The following LRRC4C variants were observed in gnomAD, a reference collection of about 807,000 sequenced individuals.
LRRC4C encodes leucine rich repeat containing 4C, also known as leucine-rich repeat-containing protein 4C.
LRRC4C carries 5 observed loss-of-function variants against 33.6 expected under a neutral mutation model. That is an observed-to-expected ratio of 0.15 (90% CI 0.08 to 0.31). The LOEUF (loss-of-function observed/expected upper bound fraction) is 0.31, where lower values mean the gene tolerates loss of function less well. LRRC4C is among the 10% of genes least tolerant of loss of function. The probability of loss-of-function intolerance (pLI) is 1.00; values close to 1 mark genes in which losing one functional copy is unlikely to be tolerated. For missense variants in LRRC4C, 560 were observed against 796.7 expected (o/e 0.70, Z 3.58); for synonymous variants, 329 against 302.0 (o/e 1.09, Z -0.93).
intron 1 of LRRC4C, among the ~76,000 whole-genome samples, chr11:41,027,859 G>T (rs1312076073): frequency 6.6e-6 from 1 of 151,636 alleles, no homozygotes; most frequent in Non-Finnish European, 1.5e-5. Context: ...GAATTATTTA[G>T]TTTTTCTTCA....
intron 1 of LRRC4C, among the ~76,000 whole-genome samples, chr11:41,084,670 G>T (rs182729717): frequency 8.5e-5 from 13 of 152,216 alleles, no homozygotes; most frequent in African/African-American, 2.9e-4. Context: ...CCAACATGGT[G>T]AAACCCCATC....
At chr11:40,846,020 GTT>G (rs140994322) in intron 2 of LRRC4C, among the ~76,000 whole-genome samples, 96,668 of 142,112 alleles carry the variant, frequency 0.68, 33,469 homozygotes, top group Admixed American at 0.76. Context: ...ACTTTCTGAT[GTT>G]TTTTTTTTTT....
chr11:40,248,583 G>T (rs1186364511), intron 4 of LRRC4C, among the ~76,000 whole-genome samples: 1 of 152,070 alleles, frequency 6.6e-6, no homozygotes, highest in South Asian at 2.1e-4. Context: ...TGACCCCGTA[G>T]TCCCAGCAAC....
chr11:40,760,360 C>T (rs551947251), intron 2 of LRRC4C, among the ~76,000 whole-genome samples: 72 of 149,634 alleles, frequency 4.8e-4, no homozygotes, highest in African/African-American at 1.7e-3. Context: ...GCAGTTGCAA[C>T]GGAGACCATA....
intron 3 of LRRC4C, among the ~76,000 whole-genome samples, chr11:40,358,317 G>A (rs1209490431): frequency 6.6e-6 from 1 of 152,156 alleles, no homozygotes; most frequent in Non-Finnish European, 1.5e-5. Context: ...CTGTCACTCT[G>A]TTGCCCAGGC....
chr11:41,278,763 A>T (rs1949561797), intron 1 of LRRC4C, among the ~76,000 whole-genome samples: 1 of 152,208 alleles, frequency 6.6e-6, no homozygotes, highest in African/African-American at 2.4e-5. Flanking sequence ...GAGTTGTAGC[A>T]GATAGCAATT....
intron 3 of LRRC4C, among the ~76,000 whole-genome samples, chr11:40,598,963 G>A (rs1294296076): frequency 6.6e-6 from 1 of 152,176 alleles, no homozygotes; most frequent in Non-Finnish European, 1.5e-5. Context: ...TGGCACATGA[G>A]TGGGCCGCTG....
chr11:40,674,273 C>G (rs778367586), intron 2 of LRRC4C, among the ~76,000 whole-genome samples: 20 of 152,156 alleles, frequency 1.3e-4, no homozygotes, highest in Non-Finnish European at 2.6e-4. Flanking sequence ...ATGGAAAGAG[C>G]ACTGGGGTTG....
intron 4 of LRRC4C, among the ~76,000 whole-genome samples, chr11:40,246,121 C>G (rs892759170): frequency 6.6e-6 from 1 of 151,708 alleles, no homozygotes; most frequent in Non-Finnish European, 1.5e-5. Flanking sequence ...CTACAGGTGT[C>G]CGCCACCACA....
chr11:40,852,373 C>T (rs181677379), intron 2 of LRRC4C, among the ~76,000 whole-genome samples: 15 of 152,070 alleles, frequency 9.9e-5, no homozygotes, highest in Admixed American at 2.0e-4. Context: ...TTCTGAGCCA[C>T]CAATTGTCTG....
chr11:40,136,126 G>A lies in LRRC4C; in HGVS notation c.-43+4675C>T, dbSNP rs374255409. 6.6e-5 allele frequency among the ~76,000 whole-genome samples: 10 copies of A among 152,018 alleles called. No individual in the cohort carries two copies. The East Asian group carries it at 7.8e-4, about 12-fold the overall frequency. On this transcript the variant is annotated intron_variant, in intron 6 of 6. Coordinates refer to ENST00000528697, the MANE Select transcript of LRRC4C (RefSeq NM_001258419.2). The stretch of plus-strand genomic sequence containing the variant: ...GACTTCCACACCCATGCATGTAAGC[G>A]TTGTCTGTGGCTGCTTTTACACTGA...
intron 1 of LRRC4C, among the ~76,000 whole-genome samples, chr11:41,379,996 A>G (rs1953083802): frequency 6.6e-6 from 1 of 152,000 alleles, no homozygotes; most frequent in African/African-American, 2.4e-5. Flanking sequence ...ACACACACAC[A>G]CTATTGTCCT....
chr11:40,799,309 C>T (rs544503623), intron 2 of LRRC4C, among the ~76,000 whole-genome samples: 103 of 152,084 alleles, frequency 6.8e-4, no homozygotes, highest in African/African-American at 2.4e-3. Flanking sequence ...TGTATCAAAA[C>T]ATCACATTGT....
chr11:40,922,979 C>T (rs1592101724), intron 2 of LRRC4C, among the ~76,000 whole-genome samples: 1 of 152,280 alleles, frequency 6.6e-6, no homozygotes, highest in East Asian at 1.9e-4. Flanking sequence ...CATACGCCAC[C>T]ACACCCAGCT....
At chr11:40,117,990 C>A (rs10837345) in intron 6 of LRRC4C, among the ~76,000 whole-genome samples, 1 of 149,020 alleles carries the variant, frequency 6.7e-6, no homozygotes. Flanking sequence ...GTTATTATTT[C>A]ATATTAAAAA....
At chr11:40,337,668 A>T (rs1313474855) in intron 3 of LRRC4C, among the ~76,000 whole-genome samples, 1 of 152,180 alleles carries the variant, frequency 6.6e-6, no homozygotes, top group Non-Finnish European at 1.5e-5. Context: ...TGGGTTTGAC[A>T]CCATCATTCT....
intron 5 of LRRC4C, among the ~76,000 whole-genome samples, chr11:40,197,844 T>A (rs923170017): frequency 6.6e-6 from 1 of 152,194 alleles, no homozygotes; most frequent in African/African-American, 2.4e-5. Flanking sequence ...GTACTTCATA[T>A]CTAGTCAGCC....
chr11:41,245,360 G>A (rs1459188791), intron 1 of LRRC4C, among the ~76,000 whole-genome samples: 1 of 152,186 alleles, frequency 6.6e-6, no homozygotes, highest in Non-Finnish European at 1.5e-5. Context: ...GCACGAAACA[G>A]CGAGGGGTGT....
intron 1 of LRRC4C, among the ~76,000 whole-genome samples, chr11:41,358,974 T>C (rs1169461890): frequency 6.6e-6 from 1 of 152,182 alleles, no homozygotes; most frequent in Non-Finnish European, 1.5e-5. Context: ...GCAACCAAAA[T>C]GTTTTTCAGT....
Sources: allele counts gnomAD v4.1 joint callset (sites outside exome capture counted in the v4.1 genomes callset), GRCh38; gene constraint gnomAD v4.1.1; transcripts MANE v1.5; gene names NCBI Gene and HGNC (gene_info 2026-07-23, HGNC 2026-07-21).